Variants in WASL observed in about 807,000 individuals in gnomAD.
WASL encodes the protein actin nucleation-promoting factor WASL.
WASL carries 20 observed loss-of-function variants against 55.5 expected under a neutral mutation model. That is an observed-to-expected ratio of 0.36 (90% confidence interval 0.25 to 0.52). The LOEUF (loss-of-function observed/expected upper bound fraction) is 0.52, where lower values mean the gene tolerates loss of function less well. Ranked by LOEUF, WASL falls within the 20% of genes least tolerant of loss-of-function variation. WASL has a pLI of 0.92. For missense variants in WASL, 504 were observed against 622.5 expected (o/e 0.81, Z 2.03); for synonymous variants, 249 against 217.6 (o/e 1.14, Z -1.27).
chr7:123,748,624 T>A lies in WASL; in HGVS notation c.111A>T (p.Lys37Asn). ...NESLFTFLGK[K>N]CVTMSSAVVQ... Reference sequence around the variant, plus strand: ...GCGGGTCTCGTCCACTGACCACACATTTCTTGCCGAGGAAAGTGAAGAGGG... The same window carrying A: ...GCGGGTCTCGTCCACTGACCACACAATTCTTGCCGAGGAAAGTGAAGAGGG... The change falls in exon 1 of 11, where the codon AAA (lysine) becomes AAT (asparagine). Residue 37 changes from lysine to asparagine, a missense_variant. By Grantham distance (94) the Lys-to-Asn change is moderately conservative. Transcript: ENST00000223023. The A allele has an allele frequency of 6.2e-7, 1 of 1,613,412 alleles. No homozygotes were observed. Among genetic ancestry groups the A allele is most frequent in the Non-Finnish European group, 8.5e-7 (1 of 1,179,708 alleles).
chr7:123,728,883 G>A (rs937654832), intron 1 of WASL, among the ~76,000 whole-genome samples: 8 of 152,046 alleles, frequency 5.3e-5, no homozygotes, highest in East Asian at 3.9e-4. Flanking sequence ...CAAAACAAAC[G>A]AACGAACAAA....
chr7:123,727,647 GGA>G (rs1190909044), intron 1 of WASL, among the ~76,000 whole-genome samples: 7 of 152,160 alleles, frequency 4.6e-5, no homozygotes, highest in Non-Finnish European at 7.4e-5. Flanking sequence ...GACGAAGATA[GGA>G]GAGAGGCAGG....
intron 1 of WASL, among the ~76,000 whole-genome samples, chr7:123,729,247 AAT>A (rs1410886220): frequency 4.6e-5 from 7 of 152,194 alleles, no homozygotes; most frequent in Non-Finnish European, 8.8e-5. Flanking sequence ...TATTAAATGA[AAT>A]AGTTTACATT....
intron 1 of WASL, among the ~76,000 whole-genome samples, chr7:123,734,043 C>A (rs1442124468): frequency 2.6e-5 from 4 of 151,346 alleles, no homozygotes; most frequent in South Asian, 4.2e-4. Flanking sequence ...GAACATAAAA[C>A]AAAACCTGGG....
At chr7:123,745,996 A>C (rs1465603249) in intron 1 of WASL, among the ~76,000 whole-genome samples, 2 of 152,208 alleles carry the variant, frequency 1.3e-5, no homozygotes, top group Non-Finnish European at 2.9e-5. Flanking sequence ...ACACAGTCTT[A>C]ATCCACACAA....
intron 7 of WASL, among the ~76,000 whole-genome samples, chr7:123,695,484 A>C (rs1803476165): frequency 6.6e-6 from 1 of 152,166 alleles, no homozygotes; most frequent in Non-Finnish European, 1.5e-5. Context: ...CTGAATATTC[A>C]GAATTTGATT....
At chr7:123,737,534 G>C (rs1371153305) in intron 1 of WASL, among the ~76,000 whole-genome samples, 1 of 146,674 alleles carries the variant, frequency 6.8e-6, no homozygotes, top group Non-Finnish European at 1.5e-5. Flanking sequence ...GGTGGAGCTT[G>C]CAGTGAGCAG....
chr7:123,721,083 T>C (rs762037435), intron 1 of WASL, among the ~76,000 whole-genome samples: 3 of 152,228 alleles, frequency 2.0e-5, no homozygotes, highest in Non-Finnish European at 4.4e-5. Flanking sequence ...CTCTGGCTAC[T>C]ATAGGGAGAT....
chr7:123,692,324 G>GAA (rs60453568), intron 9 of WASL, 23 bp downstream of exon 9: 20 of 1,193,490 alleles, frequency 1.7e-5, no homozygotes, highest in South Asian at 6.1e-5. Context: ...GATCTAAAAT[G>GAA]AAAAAAAAAA....
rs745977450 is a variant in WASL, at chr7:123,709,167, T to C, written c.174A>G (p.Ser58=). 1.1e-5 allele frequency: 17 copies of C among 1,612,924 alleles called. No individual in the cohort carries two copies. In the Admixed American group the frequency reaches 1.2e-4, roughly 11 times the overall value. Reference sequence around the variant, plus strand: ...GACAAGCAACACCACTGCACTTCTTTGACCACATACAGTTCCGATCTGCTG... The same window carrying C: ...GACAAGCAACACCACTGCACTTCTTCGACCACATACAGTTCCGATCTGCTG... The part of the protein sequence containing the change: ...LYAADRNCMW[S]KKCSGVACLV... The change falls in exon 2 of 11, where the codon TCA becomes TCG. Residue 58 remains serine (S), a synonymous_variant. Transcript: ENST00000223023.
In WASL at chr7:123,700,204, AAAAC is replaced by A. The variant is rs1562959044; in HGVS notation, c.461-3461_461-3458del. ...AAAAAAAAAAAAAAAAAAAAAAAAA[AAAAC>A]AACATTATTTAAGTAAGACTATAAA... On this transcript the variant is annotated intron_variant, in intron 5 of 10. Transcript: ENST00000223023. 3.9e-4 allele frequency among the ~76,000 whole-genome samples: 27 copies of A among 69,138 alleles called. 2 individuals carry two copies. The highest frequency in any genetic ancestry group is 1.4e-3 in the East Asian group (3 of 2,140). The allele number at this position is 69,138 out of a possible 152,430, so 45.4% of individuals were successfully genotyped here.
chr7:123,720,029 T>C (rs1386927169), intron 1 of WASL, among the ~76,000 whole-genome samples: 2 of 152,160 alleles, frequency 1.3e-5, no homozygotes, highest in Admixed American at 1.3e-4. Flanking sequence ...TCCTTGAAGA[T>C]AGGGCCCTGT....
chr7:123,734,419 C>CAATG (rs780716115), intron 1 of WASL, among the ~76,000 whole-genome samples: 1 of 151,892 alleles, frequency 6.6e-6, no homozygotes, highest in Non-Finnish European at 1.5e-5. Context: ...ATTGCAAAAG[C>CAATG]AATGAGATAT....
chr7:123,716,270 CA>C (rs1803839752), intron 1 of WASL, among the ~76,000 whole-genome samples: 1 of 152,036 alleles, frequency 6.6e-6, no homozygotes, highest in Non-Finnish European at 1.5e-5. Flanking sequence ...TGGAGGAGTG[CA>C]ATGGCACGAT....
At position 123,692,657 on chromosome 7, in the gene WASL, G is replaced by T; in HGVS notation, c.1037C>A (p.Pro346Gln). 1 of 1,566,066 alleles carries T rather than the reference G, an allele frequency of 6.4e-7. No homozygotes were observed. Among genetic ancestry groups the T allele is most frequent in the East Asian group, 2.2e-5 (1 of 44,488 alleles). ...TGCTGAGGAGGGAAGGGCTGGAGGT[G>T]GAGGAGGGTACATCCTATTTGGCGG... Reference protein sequence around the residue: ...PPPPNRMYPPPPPALPSSAPS... With the variant: ...PPPPNRMYPPQPPALPSSAPS... Residue 346 changes from proline to glutamine, a missense_variant, in exon 9 of 11, where the codon CCA becomes CAA. By Grantham distance (76) the Pro-to-Gln change is moderately conservative. Transcript: ENST00000223023.
At chr7:123,721,724 C>T (rs1391880409) in intron 1 of WASL, among the ~76,000 whole-genome samples, 1 of 152,038 alleles carries the variant, frequency 6.6e-6, no homozygotes, top group Non-Finnish European at 1.5e-5. Context: ...ACCAGCATGT[C>T]CAACATGATG....
intron 1 of WASL, among the ~76,000 whole-genome samples, chr7:123,712,255 G>A (rs1174601464): frequency 2.6e-5 from 4 of 151,726 alleles, no homozygotes; most frequent in Admixed American, 6.6e-5. Flanking sequence ...TTTCTGTATT[G>A]ATTTCCTAAC....
chr7:123,715,804 G>A (rs1424001053), intron 1 of WASL, among the ~76,000 whole-genome samples: 2 of 152,102 alleles, frequency 1.3e-5, no homozygotes, highest in Admixed American at 1.3e-4. Flanking sequence ...AGTATTATGT[G>A]GCACAGACCT....
chr7:123,689,384 A>C (rs539298216), intron 9 of WASL, among the ~76,000 whole-genome samples: 1 of 152,358 alleles, frequency 6.6e-6, no homozygotes, highest in Non-Finnish European at 1.5e-5. Flanking sequence ...ATACATTTCC[A>C]AATCTATGTT....
Sources: gnomAD v4.1 joint callset for allele counts (sites outside exome capture counted in the v4.1 genomes callset) on GRCh38, gnomAD v4.1.1 for gene constraint, MANE v1.5 for transcripts, NCBI Gene and HGNC (gene_info 2026-07-23, HGNC 2026-07-21) for gene names.